KCNMA1: variants seen among roughly 807,000 people sequenced by gnomAD.
The protein encoded by KCNMA1 is potassium calcium-activated channel subfamily M alpha 1.
In KCNMA1, 29 loss-of-function variants were observed where a neutral mutation model predicts 140.0. That is an observed-to-expected ratio of 0.21 (90% CI 0.15 to 0.28). The LOEUF (loss-of-function observed/expected upper bound fraction) is 0.28. Among genes scored for constraint, KCNMA1 ranks in the 10% least tolerant of loss-of-function variants. KCNMA1 has a pLI of 1.00. For missense variants in KCNMA1, 880 were observed against 1,602.2 expected, an observed-to-expected ratio of 0.55 and a Z score of 7.70; for synonymous variants, 612 against 611.9, an observed-to-expected ratio of 1.00 and a Z score of 0.00.
chr10:77,630,871 C>T (rs969294710), intron 1 of KCNMA1, among the ~76,000 whole-genome samples: 2 of 151,836 alleles, frequency 1.3e-5, no homozygotes, highest in African/African-American at 4.8e-5. Context: ...TTTGGGAGAC[C>T]AAGATGGGAA....
At chr10:77,381,867 A>T (rs896864884) in intron 2 of KCNMA1, among the ~76,000 whole-genome samples, 5 of 152,188 alleles carry the variant, frequency 3.3e-5, no homozygotes, top group Non-Finnish European at 7.3e-5. Context: ...GAGAGCAAGG[A>T]TGCTGGGCAA....
chr10:77,042,950 C>G (rs1321503299), intron 14 of KCNMA1, among the ~76,000 whole-genome samples: 1 of 152,194 alleles, frequency 6.6e-6, no homozygotes, highest in African/African-American at 2.4e-5. Context: ...CCATATTTTT[C>G]TCTTTGCTAG....
At chr10:77,135,660 AAGAAAAGAATAAATCC>A (rs1377613496) in intron 5 of KCNMA1, among the ~76,000 whole-genome samples, 1 of 152,254 alleles carries the variant, frequency 6.6e-6, no homozygotes, top group Non-Finnish European at 1.5e-5. Flanking sequence ...TTATTCAGCC[AAGAAAAGAATAAATCC>A]TTTCATTTGC....
At chr10:76,975,989 T>C (rs1434986015) in intron 19 of KCNMA1, among the ~76,000 whole-genome samples, 1 of 152,124 alleles carries the variant, frequency 6.6e-6, no homozygotes, top group Non-Finnish European at 1.5e-5. Context: ...CTCAAACATA[T>C]ACACCTCTCT....
At chr10:77,455,193 G>A (rs559397661) in intron 1 of KCNMA1, among the ~76,000 whole-genome samples, 19 of 152,164 alleles carry the variant, frequency 1.2e-4, no homozygotes, top group South Asian at 2.1e-4. Context: ...CTTCAGAACC[G>A]GGCTCTCACA....
At chr10:76,988,548 G>A (rs977649436) in intron 19 of KCNMA1, among the ~76,000 whole-genome samples, 5 of 152,058 alleles carry the variant, frequency 3.3e-5, no homozygotes, top group African/African-American at 1.2e-4. Flanking sequence ...AATAACAACA[G>A]AAAAAGATGA....
At chr10:76,917,859 A>G (rs1180890982) in intron 23 of KCNMA1, among the ~76,000 whole-genome samples, 1 of 152,174 alleles carries the variant, frequency 6.6e-6, no homozygotes, top group Non-Finnish European at 1.5e-5. Context: ...GGGTACTGAT[A>G]TGGGAAAATT....
intron 20 of KCNMA1, among the ~76,000 whole-genome samples, chr10:76,964,705 C>A (rs1392191409): frequency 6.6e-6 from 1 of 152,130 alleles, no homozygotes; most frequent in Non-Finnish European, 1.5e-5. Context: ...TGCTAGCAGG[C>A]TCTGATGTGA....
In KCNMA1 at chr10:77,564,568, G is replaced by A. The variant is rs545380872; in HGVS notation, c.378+72697C>T. Reference sequence around the variant, plus strand: ...ACTGTACTCCAGCCTGGGCAACAGAGCAAGACTCTGTCTCAAAAATAAATT... The same window carrying A: ...ACTGTACTCCAGCCTGGGCAACAGAACAAGACTCTGTCTCAAAAATAAATT... On this transcript the variant is annotated intron_variant, in intron 1 of 27. Coordinates refer to ENST00000286628, the MANE Select transcript of KCNMA1 (RefSeq NM_001161352.2). 2.6e-5 allele frequency among the ~76,000 whole-genome samples: 4 copies of A among 152,280 alleles called. No homozygotes were observed. The South Asian group carries it at 8.3e-4, about 32-fold the overall frequency.
At chr10:76,994,136 G>A (rs79606316) in intron 19 of KCNMA1, among the ~76,000 whole-genome samples, 2,870 of 152,162 alleles carry the variant, frequency 0.019, 93 homozygotes, top group East Asian at 0.13. Context: ...ATGAGACTGT[G>A]ACATGAGGCT....
At chr10:77,435,077 G>A (rs2097231097) in intron 1 of KCNMA1, among the ~76,000 whole-genome samples, 1 of 151,904 alleles carries the variant, frequency 6.6e-6, no homozygotes, top group South Asian at 2.1e-4. Context: ...TGGGACTACA[G>A]GCATGTGCTA....
intron 19 of KCNMA1, chr10:76,974,575 T>G (rs777865346): frequency 2.6e-6 from 4 of 1,535,936 alleles, no homozygotes; most frequent in African/African-American, 1.4e-5. Flanking sequence ...CAACCTTGAC[T>G]GCCAAACAAT....
rs973156101 is a variant in KCNMA1, at chr10:77,502,629, T to C, written c.379-98606A>G. ...CCCCCATGGACACCAAGAGAAGAACTTCAGTCCATCTGACAGCAAAGCCTG... is the reference window on the plus strand; with the variant it reads ...CCCCCATGGACACCAAGAGAAGAACCTCAGTCCATCTGACAGCAAAGCCTG... On this transcript the variant is annotated intron_variant, in intron 1 of 27. Coordinates refer to ENST00000286628, the MANE Select transcript of KCNMA1 (RefSeq NM_001161352.2). Among the ~76,000 whole-genome samples, 8 of 152,236 alleles carry C rather than the reference T, an allele frequency of 5.3e-5. 1 individual carries two copies. Among genetic ancestry groups the C allele is most frequent in the African/African-American group, 1.9e-4 (8 of 41,528 alleles).
At chr10:77,531,563 T>A (rs889365123) in intron 1 of KCNMA1, among the ~76,000 whole-genome samples, 3 of 152,154 alleles carry the variant, frequency 2.0e-5, no homozygotes. Context: ...CACAGCTTAG[T>A]CACAAGGGAC....
chr10:77,362,468 G>A (rs1160371759), intron 2 of KCNMA1, among the ~76,000 whole-genome samples: 1 of 151,744 alleles, frequency 6.6e-6, no homozygotes, highest in African/African-American at 2.4e-5. Context: ...CTGCCCATAT[G>A]TCTTTGGGTG....
At chr10:77,162,177 A>G (rs1425036031) in intron 5 of KCNMA1, among the ~76,000 whole-genome samples, 2 of 152,264 alleles carry the variant, frequency 1.3e-5, no homozygotes, top group African/African-American at 4.8e-5. Flanking sequence ...TCCTATGAGC[A>G]AAGACCTGTA....
At chr10:77,226,281 T>C (rs925256129) in intron 3 of KCNMA1, among the ~76,000 whole-genome samples, 3 of 152,150 alleles carry the variant, frequency 2.0e-5, no homozygotes, top group Admixed American at 6.5e-5. Context: ...GAAAACAATG[T>C]AATAATCAGA....
chr10:77,335,005 G>A (rs1301516576), intron 2 of KCNMA1, among the ~76,000 whole-genome samples: 1 of 152,138 alleles, frequency 6.6e-6, no homozygotes, highest in Non-Finnish European at 1.5e-5. Flanking sequence ...TGTGGCTACT[G>A]GCCACATATT....
chr10:77,431,679 T>C lies in KCNMA1; in HGVS notation c.379-27656A>G, dbSNP rs1450941628. On this transcript the variant is annotated intron_variant, in intron 1 of 27. Transcript: ENST00000286628. Reference sequence around the variant, plus strand: ...AGCATGCCCCTGAAGTCTGGTCTGTTGTAAAAAAAAAAAAAAAAAAAAAAA... The same window carrying C: ...AGCATGCCCCTGAAGTCTGGTCTGTCGTAAAAAAAAAAAAAAAAAAAAAAA... 5.5e-5 allele frequency among the ~76,000 whole-genome samples: 6 copies of C among 108,338 alleles called. No homozygotes were observed. The Admixed American group carries it at 5.6e-4, about 10-fold the overall frequency. 71.1% of individuals were successfully genotyped at this position (108,338 alleles called of 152,430 possible).
Sources: gnomAD v4.1 joint callset for allele counts (sites outside exome capture counted in the v4.1 genomes callset) on GRCh38, gnomAD v4.1.1 for gene constraint, MANE v1.5 for transcripts, NCBI Gene and HGNC (gene_info 2026-07-23, HGNC 2026-07-21) for gene names.